Variants in LPIN2 observed in about 807,000 individuals in gnomAD.
The protein encoded by LPIN2 is phosphatidate phosphatase LPIN2.
In LPIN2, 55 loss-of-function variants were observed where a neutral mutation model predicts 111.4. That is an observed-to-expected ratio of 0.49 (90% CI 0.40 to 0.62). The LOEUF is 0.62. Among genes scored for constraint, LPIN2 ranks in the 20% least tolerant of loss-of-function variants. The pLI, the probability that LPIN2 is intolerant of heterozygous loss-of-function variation, is 0.00. For synonymous variants in LPIN2, 425 were observed against 414.0 expected, an observed-to-expected ratio of 1.03 and a Z score of -0.32; for missense variants, 992 against 1,112.1, an observed-to-expected ratio of 0.89 and a Z score of 1.54.
chr18:2,992,414 G>T (rs541459265), intron 1 of LPIN2, among the ~76,000 whole-genome samples: 1 of 152,338 alleles, frequency 6.6e-6, no homozygotes, highest in African/African-American at 2.4e-5. Flanking sequence ...GGAGGAAATG[G>T]AGAGTTATTG....
At chr18:2,937,540 C>T in intron 7 of LPIN2, 152 bp downstream of exon 7, 1 of 650,798 alleles carries the variant, frequency 1.5e-6, no homozygotes, top group Non-Finnish European at 2.5e-6. Flanking sequence ...AGCGAAACTC[C>T]AGCTAAAAAA....
chr18:2,927,253 TG>T (rs1264489988), intron 12 of LPIN2, among the ~76,000 whole-genome samples: 1 of 152,116 alleles, frequency 6.6e-6, no homozygotes, highest in Non-Finnish European at 1.5e-5. Flanking sequence ...CAGAAGGTGT[TG>T]GGGAAAAAAA....
intron 8 of LPIN2, among the ~76,000 whole-genome samples, chr18:2,934,099 C>A (rs2077250910): frequency 6.6e-6 from 1 of 152,180 alleles, no homozygotes. Flanking sequence ...AAGTCATATA[C>A]CCTTATGTAG....
At chr18:2,932,199 A>T (rs2077220735) in intron 8 of LPIN2, among the ~76,000 whole-genome samples, 1 of 152,232 alleles carries the variant, frequency 6.6e-6, no homozygotes, top group Non-Finnish European at 1.5e-5. Flanking sequence ...TAAGTCTCAC[A>T]GTCCCCAATG....
rs778325300 is a variant in LPIN2 at position 2,939,533 on chromosome 18, T to G, written c.769A>C (p.Arg257=). ...GTCCACTCCATGTGAGACTCTGATCTGAGCAGGCTCTCCGCAGGTTTCACC... is the reference window on the plus strand; with the variant it reads ...GTCCACTCCATGTGAGACTCTGATCGGAGCAGGCTCTCCGCAGGTTTCACC... The part of the protein sequence containing the change: ...LEVKPAESLL[R]SESHMEWTWG... The change falls in exon 6 of 20, where the codon AGA becomes CGA. Residue 257 remains arginine (R), a synonymous_variant. Coordinates refer to ENST00000677752, the MANE Select transcript of LPIN2 (RefSeq NM_001375808.2). The G allele has an allele frequency of 6.2e-6, 10 of 1,614,122 alleles. No homozygotes were observed. Among genetic ancestry groups the G allele is most frequent in the Non-Finnish European group, 8.5e-6 (10 of 1,179,968 alleles).
rs909541965 is a variant in LPIN2 at position 2,992,536 on chromosome 18, G to T, written c.-10+20551C>A. Among the ~76,000 whole-genome samples, 8 of 152,100 alleles carry T rather than the reference G, an allele frequency of 5.3e-5. No individual in the cohort carries two copies. The East Asian group carries it at 1.3e-3, about 26-fold the overall frequency. ...TGAAATCATACATTCAAAAATGGTT[G>T]AATCTTACTACAATTAGAAAATTAT... On this transcript the variant is annotated intron_variant, in intron 1 of 19. Coordinates refer to ENST00000677752, the MANE Select transcript of LPIN2 (RefSeq NM_001375808.2).
At chr18:2,995,179 G>T (rs1467012298) in intron 1 of LPIN2, among the ~76,000 whole-genome samples, 1 of 100,842 alleles carries the variant, frequency 9.9e-6, no homozygotes. Flanking sequence ...AAAGAACTAT[G>T]AACTGAATAG....
In LPIN2 at chr18:2,931,446, G is replaced by C; in HGVS notation, c.1269-3C>G. 1 of 1,575,980 alleles carries C rather than the reference G, an allele frequency of 6.3e-7. No homozygotes were observed. The highest frequency in any genetic ancestry group is 8.6e-7 in the Non-Finnish European group (1 of 1,160,738). ...GCCTGGAACCGGGCTCCGATTCACT[G>C]TGGACAGGGGATGGGGAAAAGATGT... On this transcript the variant is annotated splice_polypyrimidine_tract_variant and splice_region_variant and intron_variant, in intron 8 of 19. Transcript: ENST00000677752.
At chr18:2,996,424 T>TGCA (rs567834418) in intron 1 of LPIN2, among the ~76,000 whole-genome samples, 59 of 151,502 alleles carry the variant, frequency 3.9e-4, no homozygotes, top group Non-Finnish European at 6.8e-4. Context: ...ATGGTGACGT[T>TGCA]GCAGAAAAGA....
intron 8 of LPIN2, 84 bp downstream of exon 8, chr18:2,934,267 C>T (rs945212779): frequency 6.6e-6 from 7 of 1,053,372 alleles, no homozygotes; most frequent in East Asian, 2.5e-5. Flanking sequence ...TCATCTTGTT[C>T]CTTTTTCCTG....
In LPIN2 at chr18:2,922,063, A is replaced by G. The variant is rs755543043; in HGVS notation, c.2311T>C (p.Phe771Leu). The change falls in exon 17 of 20, where the codon TTC (phenylalanine) becomes CTC (leucine). Residue 771 changes from phenylalanine to leucine, a missense_variant. Phe to Leu is a conservative substitution (Grantham distance 22). Around this residue, in one of 4 missense-constraint regions of LPIN2, gnomAD observed 185 missense variants for 186.5 expected, o/e 0.99. Coordinates refer to ENST00000677752, the MANE Select transcript of LPIN2 (RefSeq NM_001375808.2). ...GPLMLSPSSL[F>L]SAFHREVIEK... ...GAGAGGTACCTGTGGAAGGCGGAGAACAAGCTGCTGGGGGACAGCATCAGG... is the reference window on the plus strand; with the variant it reads ...GAGAGGTACCTGTGGAAGGCGGAGAGCAAGCTGCTGGGGGACAGCATCAGG... The G allele has an allele frequency of 5.6e-6, 9 of 1,613,364 alleles. No individual in the cohort carries two copies. The highest frequency in any genetic ancestry group is 7.6e-6 in the Non-Finnish European group (9 of 1,179,670).
chr18:2,933,827 G>C (rs987958376), intron 8 of LPIN2, among the ~76,000 whole-genome samples: 1 of 152,202 alleles, frequency 6.6e-6, no homozygotes, highest in Admixed American at 6.5e-5. Context: ...GGAAAATGGT[G>C]CGGGACAGTG....
At chr18:2,982,877 A>G (rs2078133736) in intron 1 of LPIN2, 1 of 400,488 alleles carries the variant, frequency 2.5e-6, no homozygotes, top group Admixed American at 3.3e-5. Flanking sequence ...ACACAGTTAT[A>G]TGGCTAAAAC....
At chr18:2,992,481 G>GT in intron 1 of LPIN2, among the ~76,000 whole-genome samples, 1 of 152,298 alleles carries the variant, frequency 6.6e-6, no homozygotes, top group East Asian at 1.9e-4. Flanking sequence ...AGTGATGGTT[G>GT]TACAACATAG....
At chr18:2,956,636 A>G (rs566382529) in intron 2 of LPIN2, among the ~76,000 whole-genome samples, 1 of 152,326 alleles carries the variant, frequency 6.6e-6, no homozygotes, top group Non-Finnish European at 1.5e-5. Flanking sequence ...GGACAATCTG[A>G]GCAACTAATT....
rs559978529 is a variant in LPIN2 at position 2,974,997 on chromosome 18, TCAAA to T, written c.-9-14152_-9-14149del. On this transcript the variant is annotated intron_variant, in intron 1 of 19. Coordinates refer to ENST00000677752, the MANE Select transcript of LPIN2 (RefSeq NM_001375808.2). ...CTAGGCAACAGAGCAAGATCCTGAC[TCAAA>T]CAAACAAACAAAAATTGTTTAAACC... Among the ~76,000 whole-genome samples, 335 of 152,268 alleles carry T rather than the reference TCAAA, an allele frequency of 2.2e-3. 1 individual carries two copies. Among genetic ancestry groups the T allele is most frequent in the Admixed American group, 4.4e-3 (67 of 15,302 alleles).
chr18:2,926,851 A>C, intron 12 of LPIN2, 46 bp from the exon 13 acceptor site: 1 of 1,476,178 alleles, frequency 6.8e-7, no homozygotes, highest in African/African-American at 1.4e-5. Flanking sequence ...TTTTCCCTAC[A>C]GATAAGCCAA....
chr18:2,985,752 C>T (rs188630903), intron 1 of LPIN2, among the ~76,000 whole-genome samples: 28 of 152,210 alleles, frequency 1.8e-4, no homozygotes, highest in Admixed American at 4.6e-4. Context: ...GCTGGTTCAA[C>T]AGAAATACCT....
In LPIN2 at chr18:2,996,563, C is replaced by T. The variant is rs558539058; in HGVS notation, c.-10+16524G>A. 6.2e-5 allele frequency among the ~76,000 whole-genome samples: 9 copies of T among 144,914 alleles called. No homozygotes were observed. The East Asian group carries it at 1.5e-3, about 24-fold the overall frequency. ...CGCCATCTCAGCTCACTGCAAGCTC[C>T]GGCTCCCAGGTTCATGCCATTCTCC... On this transcript the variant is annotated intron_variant, in intron 1 of 19. Transcript: ENST00000677752.
Sources: gnomAD v4.1 joint callset for allele counts (sites outside exome capture counted in the v4.1 genomes callset) on GRCh38, gnomAD v4.1.1 for gene constraint, gnomAD v4.1.1 regional missense constraint, MANE v1.5 for transcripts, NCBI Gene and HGNC (gene_info 2026-07-23, HGNC 2026-07-21) for gene names.